Variants in RPTOR observed in about 807,000 individuals in gnomAD.
RPTOR encodes the protein regulatory-associated protein of mTOR.
RPTOR carries 21 observed loss-of-function variants against 169.9 expected under a neutral mutation model. The ratio of observed to expected loss-of-function variants is 0.12; its 90% confidence interval spans 0.09 to 0.18. The LOEUF is 0.18. RPTOR is among the 10% of genes least tolerant of loss of function. The pLI is 1.00. For missense variants in RPTOR, 1,133 were observed against 1,855.9 expected, an observed-to-expected ratio of 0.61 and a Z score of 7.16; for synonymous variants, 732 against 753.2, an observed-to-expected ratio of 0.97 and a Z score of 0.46.
chr17:80,671,784 T>C (rs2143682860), intron 3 of RPTOR, among the ~76,000 whole-genome samples: 1 of 152,300 alleles, frequency 6.6e-6, no homozygotes, highest in East Asian at 1.9e-4. Flanking sequence ...TAGAATCACC[T>C]TCTCAGTTTT....
intron 28 of RPTOR, among the ~76,000 whole-genome samples, chr17:80,955,323 G>A (rs970196609): frequency 3.3e-5 from 5 of 152,234 alleles, no homozygotes; most frequent in Middle Eastern, 3.2e-3. Flanking sequence ...GTACCTCTGC[G>A]CACTAGGGAA....
rs200214856 is a variant in RPTOR, at chr17:80,634,719, CTG to C, written c.265+8935_265+8936del. Among the ~76,000 whole-genome samples, 278 of 58,814 alleles carry C rather than the reference CTG, an allele frequency of 4.7e-3. 5 individuals carry two copies. The highest frequency in any genetic ancestry group is 8.2e-3 in the African/African-American group (103 of 12,598). 38.6% of individuals were successfully genotyped at this position (58,814 alleles called of 152,430 possible). A position where few individuals can be genotyped will look rare whatever the true frequency, so the allele number is the denominator to read the frequency against. On this transcript the variant is annotated intron_variant, in intron 2 of 33. Coordinates refer to ENST00000306801, the MANE Select transcript of RPTOR (RefSeq NM_020761.3). ...CGTGTGCGTACTGTGTGTGTGCGTA[CTG>C]TGTGTGTGCGTACTGTGTGTGTGCA...
intron 21 of RPTOR, among the ~76,000 whole-genome samples, chr17:80,915,990 CCT>C (rs1182020890): frequency 3.9e-5 from 6 of 152,310 alleles, no homozygotes; most frequent in Admixed American, 3.9e-4. Context: ...CTGTGGGTCT[CCT>C]CTGAGCTATT....
intron 3 of RPTOR, among the ~76,000 whole-genome samples, chr17:80,656,954 T>C (rs2065684537): frequency 6.6e-6 from 1 of 152,222 alleles, no homozygotes; most frequent in Non-Finnish European, 1.5e-5. Flanking sequence ...CAGGGCTGTT[T>C]CCTTTGCCTT....
chr17:80,766,125 G>T (rs1203893487), intron 6 of RPTOR, among the ~76,000 whole-genome samples: 1 of 151,834 alleles, frequency 6.6e-6, no homozygotes, highest in Non-Finnish European at 1.5e-5. Context: ...GTGTGAACAC[G>T]GCCCACCGTA....
chr17:80,747,635 C>T (rs912407553), intron 5 of RPTOR, among the ~76,000 whole-genome samples: 3 of 152,238 alleles, frequency 2.0e-5, no homozygotes, highest in South Asian at 2.1e-4. Flanking sequence ...GCCAAGCGCC[C>T]GTGCATCTCA....
chr17:80,577,359 C>T (rs2064973424), intron 1 of RPTOR, among the ~76,000 whole-genome samples: 1 of 152,056 alleles, frequency 6.6e-6, no homozygotes, highest in Non-Finnish European at 1.5e-5. Context: ...GGTATTTTTC[C>T]TAGGGATGGA....
intron 14 of RPTOR, 77 bp downstream of exon 14, chr17:80,880,566 G>A (rs2068175594): frequency 7.1e-7 from 1 of 1,408,338 alleles, no homozygotes; most frequent in Non-Finnish European, 1.0e-6. Flanking sequence ...ACTGCGGTGG[G>A]GCCTTTTGAC....
intron 28 of RPTOR, among the ~76,000 whole-genome samples, 182 bp downstream of exon 28, chr17:80,949,729 G>A (rs1357872472): frequency 6.6e-6 from 1 of 152,224 alleles, no homozygotes; most frequent in Non-Finnish European, 1.5e-5. Context: ...AGGTCCCTGA[G>A]TGCACTGCCT....
chr17:80,912,203 G>A (rs1000422587), intron 21 of RPTOR, among the ~76,000 whole-genome samples: 1 of 152,158 alleles, frequency 6.6e-6, no homozygotes, highest in Non-Finnish European at 1.5e-5. Context: ...TGGCCAGTTC[G>A]CGTCTCTGCT....
Position 80,940,548 on chromosome 17 carries a change from G to T in RPTOR, c.2972G>T (p.Arg991Leu), listed in dbSNP as rs781599712. ...ESQIRKEREW[R>L]FLRNSRVRRQ... ...CAGATCCGCAAGGAGCGGGAGTGGC[G>T]GTTCCTGCGAAACAGCCGTGTCAGG... is the stretch of plus-strand genomic sequence containing the variant. Residue 991 changes from arginine to leucine, a missense_variant, in exon 25 of 34, where the codon CGG (arginine) becomes CTG (leucine). Coordinates refer to ENST00000306801, the MANE Select transcript of RPTOR (RefSeq NM_020761.3). 6.2e-7 allele frequency: 1 copy of T among 1,613,496 alleles called. No individual in the cohort carries two copies. Among genetic ancestry groups the T allele is most frequent in the Admixed American group, 1.7e-5 (1 of 59,978 alleles).
chr17:80,849,997 TTTC>T (rs1301122006), intron 11 of RPTOR, among the ~76,000 whole-genome samples: 9 of 152,306 alleles, frequency 5.9e-5, no homozygotes, highest in South Asian at 2.1e-4. Flanking sequence ...GAAAGTGACT[TTTC>T]TTCTTCTTTC....
chr17:80,919,985 G>A (rs2068725626), intron 21 of RPTOR, among the ~76,000 whole-genome samples: 1 of 152,226 alleles, frequency 6.6e-6, no homozygotes. Context: ...GAGGCTGTGC[G>A]GGCCGCACTC....
chr17:80,681,338 T>C (rs1330110242), intron 3 of RPTOR, among the ~76,000 whole-genome samples: 2 of 152,192 alleles, frequency 1.3e-5, no homozygotes, highest in Non-Finnish European at 2.9e-5. Flanking sequence ...TGTCTGGGCC[T>C]CATGGCAGAA....
At chr17:80,546,123 G>A (rs2084271312) in intron 1 of RPTOR, among the ~76,000 whole-genome samples, 1 of 152,154 alleles carries the variant, frequency 6.6e-6, no homozygotes, top group South Asian at 2.1e-4. Flanking sequence ...CTTAGAGGAA[G>A]GACAACGTGC....
chr17:80,866,310 G>A (rs977715640), intron 13 of RPTOR, among the ~76,000 whole-genome samples: 4 of 152,118 alleles, frequency 2.6e-5, no homozygotes, highest in African/African-American at 9.7e-5. Context: ...AGTGCTGAGA[G>A]GGGAGTGTGT....
At chr17:80,930,241 TCAGCTCAG>T (rs2068865361) in intron 24 of RPTOR, among the ~76,000 whole-genome samples, 1 of 32,506 alleles carries the variant, frequency 3.1e-5, no homozygotes, top group African/African-American at 1.4e-4. Flanking sequence ...CAGCTCATCC[TCAGCTCAG>T]CTCATCCCCA....
intron 24 of RPTOR, 160 bp from the exon 25 acceptor site, chr17:80,940,336 G>T: frequency 1.7e-6 from 1 of 589,912 alleles, no homozygotes; most frequent in Non-Finnish European, 3.0e-6. Flanking sequence ...TGTGCCGGAG[G>T]ATGTGTTCTG....
chr17:80,654,576 G>C (rs2143631370), intron 3 of RPTOR, among the ~76,000 whole-genome samples: 1 of 152,352 alleles, frequency 6.6e-6, no homozygotes, highest in South Asian at 2.1e-4. Context: ...GCAGAACCGG[G>C]AGGATTACCC....
Sources: gnomAD v4.1 joint callset for allele counts (sites outside exome capture counted in the v4.1 genomes callset) on GRCh38, gnomAD v4.1.1 for gene constraint, MANE v1.5 for transcripts, NCBI Gene and HGNC (gene_info 2026-07-23, HGNC 2026-07-21) for gene names.